SEM1: variants seen among roughly 807,000 people sequenced by gnomAD.
SEM1 encodes the protein 26S proteasome complex subunit SEM1.
A neutral mutation model predicts 12.7 loss-of-function variants in SEM1; 3 were observed. The observed-to-expected ratio is 0.24, with a 90% CI of 0.11 to 0.61. SEM1 has a LOEUF of 0.61. Ranked by LOEUF, SEM1 falls within the 20% of genes least tolerant of loss-of-function variation. The pLI is 0.88. For missense variants in SEM1, 59 were observed against 81.3 expected, an observed-to-expected ratio of 0.73 and a Z score of 1.06; for synonymous variants, 30 against 27.8, an observed-to-expected ratio of 1.08 and a Z score of -0.25.
At chr7:96,675,834 T>A (rs900135030) in intron 2 of SEM1, among the ~76,000 whole-genome samples, 36 of 152,310 alleles carry the variant, frequency 2.4e-4, no homozygotes, top group African/African-American at 8.7e-4. Flanking sequence ...GTCCAGCTAC[T>A]GAGTTAAAGC....
chr7:96,503,970 G>C (rs1378241626), intron 3 of SEM1, among the ~76,000 whole-genome samples: 2 of 152,134 alleles, frequency 1.3e-5, no homozygotes, highest in East Asian at 3.9e-4. Flanking sequence ...TATTGGGTTG[G>C]CCATGGAACC....
At chr7:96,603,624 G>A (rs548114543) in intron 2 of SEM1, among the ~76,000 whole-genome samples, 40 of 152,054 alleles carry the variant, frequency 2.6e-4, no homozygotes, top group Non-Finnish European at 5.3e-4. Context: ...TCCATTTGTT[G>A]TTTTTATTTT....
At chr7:96,527,052 C>A (rs1242526874) in intron 2 of SEM1, among the ~76,000 whole-genome samples, 1 of 151,946 alleles carries the variant, frequency 6.6e-6, no homozygotes, top group African/African-American at 2.4e-5. Flanking sequence ...CATAAAGAAA[C>A]GTATTTCCTC....
rs547435086 is a variant in SEM1 at position 96,571,897 on chromosome 7, G to A, written c.171-65199C>T. ...CCAGCTTCTCTTTTAGAACTGGGCT[G>A]TGAATCCGTCTGGTCCTGGGCTTTT... On this transcript the variant is annotated intron_variant and NMD_transcript_variant, in intron 2 of 3. Transcript: ENST00000466986. Among the ~76,000 whole-genome samples, 15 of 152,148 alleles carry A rather than the reference G, an allele frequency of 9.9e-5. No individual in the cohort carries two copies. The South Asian group carries it at 3.1e-3, about 32-fold the overall frequency.
intron 2 of SEM1, among the ~76,000 whole-genome samples, chr7:96,630,595 A>G: frequency 6.6e-6 from 1 of 152,068 alleles, no homozygotes; most frequent in Admixed American, 6.6e-5. Flanking sequence ...GGAATTGGGG[A>G]CCCTGAGAGT....
chr7:96,701,459 G>T (rs1272742360), intron 1 of SEM1, among the ~76,000 whole-genome samples: 1 of 151,680 alleles, frequency 6.6e-6, no homozygotes, highest in South Asian at 2.1e-4. Context: ...GCCTCACCAA[G>T]AACTGTATCG....
At chr7:96,571,038 C>T (rs1806009863) in intron 2 of SEM1, among the ~76,000 whole-genome samples, 1 of 151,760 alleles carries the variant, frequency 6.6e-6, no homozygotes, top group Non-Finnish European at 1.5e-5. Context: ...ATTGTTTGCC[C>T]ACTTTTTGAT....
intron 2 of SEM1, chr7:96,647,593 C>G (rs906647276): frequency 1.3e-5 from 2 of 152,028 alleles, no homozygotes; most frequent in African/African-American, 4.8e-5. Context: ...AATACAAAAG[C>G]CTCTTGCAGG....
intron 2 of SEM1, among the ~76,000 whole-genome samples, chr7:96,627,673 G>A (rs1258713750): frequency 6.6e-6 from 1 of 152,120 alleles, no homozygotes; most frequent in African/African-American, 2.4e-5. Context: ...TTTAAGACTT[G>A]TTTTGTGACC....
At chr7:96,692,148 T>C (rs907264597) in intron 2 of SEM1, among the ~76,000 whole-genome samples, 1 of 152,184 alleles carries the variant, frequency 6.6e-6, no homozygotes, top group South Asian at 2.1e-4. Flanking sequence ...TAATGTTCTA[T>C]TTCTAAAGCA....
intron 2 of SEM1, among the ~76,000 whole-genome samples, chr7:96,665,270 C>A (rs547692791): frequency 6.6e-6 from 1 of 152,258 alleles, no homozygotes; most frequent in South Asian, 2.1e-4. Context: ...AGTCACAGAC[C>A]CCTCTGCAAC....
chr7:96,511,448 G>A (rs748202467), intron 2 of SEM1, among the ~76,000 whole-genome samples: 12 of 152,122 alleles, frequency 7.9e-5, no homozygotes, highest in Non-Finnish European at 1.8e-4. Flanking sequence ...GACACTGAAC[G>A]AGGAGAGAGT....
intron 2 of SEM1, among the ~76,000 whole-genome samples, chr7:96,580,142 C>A (rs1040419568): frequency 7.2e-6 from 1 of 138,146 alleles, no homozygotes; most frequent in South Asian, 2.5e-4. Flanking sequence ...ACAACAGTCC[C>A]CAGAGTGTGA....
At chr7:96,622,813 AG>A (rs1240146945) in intron 2 of SEM1, 1 of 546,736 alleles carries the variant, frequency 1.8e-6, no homozygotes, top group Admixed American at 3.1e-5. Context: ...GCATTTTCAA[AG>A]GAAGCAGGGA....
At position 96,697,866 on chromosome 7, in the gene SEM1, A is replaced by AT. The variant is rs199653458; in HGVS notation, c.77-2976dup. ...CTGCTGAGGGTGTATGAAACAAATT[A>AT]TTTTTTTTGAAAATTTCACTTCTGT... On this transcript the variant is annotated intron_variant, in intron 1 of 2. Transcript: ENST00000248566. 8.8e-4 allele frequency among the ~76,000 whole-genome samples: 133 copies of AT among 151,982 alleles called. 3 individuals carry two copies. In the East Asian group the frequency reaches 0.024, roughly 27 times the overall value.
At chr7:96,606,869 AC>A (rs1807396469) in intron 2 of SEM1, among the ~76,000 whole-genome samples, 1 of 152,052 alleles carries the variant, frequency 6.6e-6, no homozygotes, top group Non-Finnish European at 1.5e-5. Context: ...CTGCCTACTC[AC>A]ATGTCCATGT....
At chr7:96,540,715 A>G (rs566133233) in intron 2 of SEM1, among the ~76,000 whole-genome samples, 4 of 151,858 alleles carry the variant, frequency 2.6e-5, no homozygotes, top group African/African-American at 9.6e-5. Context: ...ATGATCCTGA[A>G]GCACAGGTAG....
intron 2 of SEM1, among the ~76,000 whole-genome samples, chr7:96,515,359 T>C (rs1233035187): frequency 2.6e-5 from 4 of 152,118 alleles, no homozygotes; most frequent in Non-Finnish European, 4.4e-5. Context: ...TGATGATCAT[T>C]AAAAATTCAG....
intron 2 of SEM1, among the ~76,000 whole-genome samples, chr7:96,659,168 A>G (rs1234375091): frequency 6.6e-6 from 1 of 152,190 alleles, no homozygotes; most frequent in Non-Finnish European, 1.5e-5. Context: ...GAAGCACATT[A>G]AAATAAAAAG....
Sources: allele counts gnomAD v4.1 joint callset (sites outside exome capture counted in the v4.1 genomes callset), GRCh38; gene constraint gnomAD v4.1.1; transcripts MANE v1.5; gene names NCBI Gene and HGNC (gene_info 2026-07-23, HGNC 2026-07-21).